Variants in CHN2 observed in about 807,000 individuals in gnomAD.
CHN2 encodes the protein chimerin 2.
A neutral mutation model predicts 56.3 loss-of-function variants in CHN2; 35 were observed. That is an observed-to-expected ratio of 0.62 (90% CI 0.47 to 0.82). The LOEUF (loss-of-function observed/expected upper bound fraction) is 0.82, where lower values mean the gene tolerates loss of function less well. Among genes scored for constraint, CHN2 ranks in the 40% least tolerant of loss-of-function variants. CHN2 has a pLI of 0.00. For missense variants in CHN2, 491 were observed against 580.5 expected, an observed-to-expected ratio of 0.85 and a Z score of 1.58; for synonymous variants, 210 against 212.8, an observed-to-expected ratio of 0.99 and a Z score of 0.12.
At chr7:29,243,867 T>A in intron 1 of CHN2, among the ~76,000 whole-genome samples, 1 of 152,204 alleles carries the variant, frequency 6.6e-6, no homozygotes, top group South Asian at 2.1e-4. Flanking sequence ...ACAACTCTAT[T>A]TTTAGATGTC....
intron 1 of CHN2, among the ~76,000 whole-genome samples, chr7:29,311,839 A>T (rs922528395): frequency 4.6e-5 from 7 of 152,224 alleles, no homozygotes; most frequent in African/African-American, 1.7e-4. Context: ...CATTGTTTTA[A>T]GCACCCACCT....
intron 1 of CHN2, among the ~76,000 whole-genome samples, chr7:29,273,400 A>T (rs1790913935): frequency 9.5e-6 from 1 of 105,102 alleles, no homozygotes; most frequent in Non-Finnish European, 1.9e-5. Flanking sequence ...CACACACCAC[A>T]TTTTCTTTAT....
chr7:29,478,824 G>C (rs1585540884), intron 6 of CHN2, among the ~76,000 whole-genome samples: 1 of 152,102 alleles, frequency 6.6e-6, no homozygotes, highest in East Asian at 1.9e-4. Flanking sequence ...GTAAAAATTG[G>C]GTGTTATTAT....
intron 1 of CHN2, among the ~76,000 whole-genome samples, chr7:29,347,572 A>G (rs146557689): frequency 2.3e-3 from 346 of 152,148 alleles, no homozygotes; most frequent in African/African-American, 7.8e-3. Flanking sequence ...GTGAAAACTC[A>G]CCCACTATCA....
chr7:29,507,491 CACA>C lies in CHN2; in HGVS notation c.1129+131_1129+133del. 4.1e-6 allele frequency: 3 copies of C among 728,710 alleles called. 1 individual carries two copies. Among genetic ancestry groups the C allele is most frequent in the South Asian group, 3.8e-5 (2 of 52,192 alleles). 45.1% of individuals were successfully genotyped at this position (728,710 alleles called of 1,614,324 possible). On this transcript the variant is annotated intron_variant, in intron 11 of 12. Coordinates refer to ENST00000222792, the MANE Select transcript of CHN2 (RefSeq NM_004067.4). ...TTGTGCCTGTCTTGTCAAGTGAGGG[CACA>C]ACAATAAATAGCTGACCAGGCATAG...
chr7:29,453,544 C>G (rs1410363009), intron 6 of CHN2, among the ~76,000 whole-genome samples: 1 of 152,024 alleles, frequency 6.6e-6, no homozygotes, highest in African/African-American at 2.4e-5. Context: ...GTTAGGACGC[C>G]CCCCCACGCC....
chr7:29,168,129 G>C (rs906316749), intron 2 of CHN2, among the ~76,000 whole-genome samples: 1 of 152,184 alleles, frequency 6.6e-6, no homozygotes, highest in African/African-American at 2.4e-5. Context: ...TCTCATTGTG[G>C]TTTTAATTTG....
intron 9 of CHN2, among the ~76,000 whole-genome samples, chr7:29,502,031 A>C (rs1464265526): frequency 6.6e-6 from 1 of 152,136 alleles, no homozygotes; most frequent in African/African-American, 2.4e-5. Context: ...TTGATACATA[A>C]ATGGACCGAG....
At chr7:29,256,257 T>C (rs1789070353) in intron 1 of CHN2, among the ~76,000 whole-genome samples, 1 of 152,212 alleles carries the variant, frequency 6.6e-6, no homozygotes, top group South Asian at 2.1e-4. Flanking sequence ...AAGCCCCAGA[T>C]AACTTCTCAG....
At chr7:29,486,970 G>A (rs912100200) in intron 7 of CHN2, among the ~76,000 whole-genome samples, 1 of 152,058 alleles carries the variant, frequency 6.6e-6, no homozygotes, top group East Asian at 1.9e-4. Flanking sequence ...TTTGCTTCCC[G>A]CATGCAAGCC....
chr7:29,155,197 AAAAT>A (rs1247765817), intron 2 of CHN2, among the ~76,000 whole-genome samples: 3 of 152,202 alleles, frequency 2.0e-5, no homozygotes, highest in East Asian at 3.9e-4. Flanking sequence ...CCATCTCAAA[AAAAT>A]AAATAAATGA....
At chr7:29,382,742 C>T (rs184132909) in intron 3 of CHN2, among the ~76,000 whole-genome samples, 12 of 152,192 alleles carry the variant, frequency 7.9e-5, no homozygotes, top group African/African-American at 2.7e-4. Flanking sequence ...GGAGACTTCC[C>T]CAGGATGGCA....
chr7:29,500,785 C>T (rs927856447), intron 9 of CHN2, among the ~76,000 whole-genome samples: 10 of 152,032 alleles, frequency 6.6e-5, no homozygotes, highest in African/African-American at 1.9e-4. Context: ...TAATATTCAT[C>T]GTTTATTTCG....
chr7:29,388,937 G>A lies in CHN2; in HGVS notation c.145-4742G>A, dbSNP rs1257551543. Reference sequence around the variant, plus strand: ...ATTATACTTGAGATGTAACTATAAAGTCATAACATGGATGTTATTTTAACA... The same window carrying A: ...ATTATACTTGAGATGTAACTATAAAATCATAACATGGATGTTATTTTAACA... On this transcript the variant is annotated intron_variant, in intron 3 of 12. Coordinates refer to ENST00000222792, the MANE Select transcript of CHN2 (RefSeq NM_004067.4). Among the ~76,000 whole-genome samples the A allele has an allele frequency of 2.6e-5, 4 of 152,188 alleles. No individual in the cohort carries two copies. In the East Asian group the frequency reaches 5.8e-4, roughly 22 times the overall value.
At chr7:29,435,128 C>A (rs1163841359) in intron 6 of CHN2, among the ~76,000 whole-genome samples, 1 of 151,958 alleles carries the variant, frequency 6.6e-6, no homozygotes. Flanking sequence ...AACAAAAAAA[C>A]CAACCAGATC....
chr7:29,441,588 C>T (rs1192595146), intron 6 of CHN2, among the ~76,000 whole-genome samples: 1 of 151,956 alleles, frequency 6.6e-6, no homozygotes, highest in African/African-American at 2.4e-5. Context: ...TTTCAACAAC[C>T]AAAAGACAAT....
intron 1 of CHN2, among the ~76,000 whole-genome samples, chr7:29,244,603 G>A (rs181714765): frequency 6.6e-6 from 1 of 152,330 alleles, no homozygotes; most frequent in East Asian, 1.9e-4. Context: ...CCTTGGGTAA[G>A]GAAGAAGGAA....
chr7:29,482,927 T>C (rs1262977370), intron 7 of CHN2, among the ~76,000 whole-genome samples: 1 of 145,338 alleles, frequency 6.9e-6, no homozygotes, highest in Non-Finnish European at 1.5e-5. Flanking sequence ...GTTCATGCCA[T>C]TCTCCTGCCT....
At chr7:29,415,064 A>G (rs1803593008) in intron 6 of CHN2, among the ~76,000 whole-genome samples, 1 of 152,212 alleles carries the variant, frequency 6.6e-6, no homozygotes, top group Non-Finnish European at 1.5e-5. Flanking sequence ...TTAATAATTA[A>G]TAATAATTAA....
Sources: gnomAD v4.1 joint callset for allele counts (sites outside exome capture counted in the v4.1 genomes callset) on GRCh38, gnomAD v4.1.1 for gene constraint, MANE v1.5 for transcripts, NCBI Gene and HGNC (gene_info 2026-07-23, HGNC 2026-07-21) for gene names.